NBR1: variants seen among roughly 807,000 people sequenced by gnomAD.
The protein encoded by NBR1 is next to BRCA1 gene 1 protein.
Under a neutral mutation model 115.5 loss-of-function variants are expected in NBR1, and 59 were observed. The ratio of observed to expected loss-of-function variants is 0.51; its 90% CI spans 0.41 to 0.63. The LOEUF is 0.63. Ranked by LOEUF, NBR1 falls within the 30% of genes least tolerant of loss-of-function variation. NBR1 has a pLI of 0.00. For synonymous variants in NBR1, 373 were observed against 414.7 expected (o/e 0.90, Z 1.22); for missense variants, 1,043 against 1,150.5 (o/e 0.91, Z 1.35).
intron 6 of NBR1, among the ~76,000 whole-genome samples, chr17:43,187,242 G>A (rs984039611): frequency 2.0e-5 from 3 of 152,074 alleles, no homozygotes; most frequent in East Asian, 1.9e-4. Context: ...GTGCAGTGGC[G>A]CGATCTCGGC....
chr17:43,204,751 C>T (rs1199581986), intron 20 of NBR1, among the ~76,000 whole-genome samples: 4 of 142,416 alleles, frequency 2.8e-5, no homozygotes, highest in Admixed American at 2.2e-4. Flanking sequence ...GGAGTCAGAG[C>T]TTGCAGTGAG....
chr17:43,210,129 T>G lies in NBR1; in HGVS notation c.*55T>G, dbSNP rs2154582513. 6.5e-7 allele frequency: 1 copy of G among 1,530,538 alleles called. No individual in the cohort carries two copies. The highest frequency in any genetic ancestry group is 1.2e-5 in the South Asian group (1 of 81,570). The allele number at this position is 1,530,538 out of a possible 1,614,324, so 94.8% of individuals were successfully genotyped here. ...CTGCTCAGAGATGATCTTTATTCTG[T>G]CATTGGGGTATGGGATAGAAGCCCT... On this transcript the variant is annotated 3_prime_UTR_variant, in exon 21 of 21. Coordinates refer to ENST00000590996, the MANE Select transcript of NBR1 (RefSeq NM_005899.5).
chr17:43,184,282 T>G (rs1353097901), intron 5 of NBR1, among the ~76,000 whole-genome samples: 1 of 150,462 alleles, frequency 6.6e-6, no homozygotes, highest in Non-Finnish European at 1.5e-5. Flanking sequence ...AGGTTTGTCT[T>G]GAACTCCTGG....
At chr17:43,190,046 G>T in intron 8 of NBR1, 2 of 513,306 alleles carry the variant, frequency 3.9e-6, no homozygotes, top group Admixed American at 3.4e-5. Flanking sequence ...TCCCCTGAAC[G>T]GACAAAATTA....
chr17:43,208,045 AAGAG>A (rs960254004), intron 20 of NBR1, among the ~76,000 whole-genome samples: 1 of 152,188 alleles, frequency 6.6e-6, no homozygotes, highest in Non-Finnish European at 1.5e-5. Context: ...GAGGAAAATG[AAGAG>A]AGAGAGTTCT....
chr17:43,192,320 C>G (rs914705265), intron 10 of NBR1, among the ~76,000 whole-genome samples: 2 of 151,968 alleles, frequency 1.3e-5, no homozygotes, highest in African/African-American at 4.8e-5. Flanking sequence ...CTGCGCCTGC[C>G]TGGCGTGGTC....
At position 43,179,382 on chromosome 17, in the gene NBR1, T is replaced by C; in HGVS notation, c.166-12T>C. On this transcript the variant is annotated splice_polypyrimidine_tract_variant and intron_variant, in intron 3 of 20. Transcript: ENST00000590996. ...CACTTATAATTCACTGTTGCTTTTTTTCCTTTTATAGGTATCCATCAACAG... is the reference window on the plus strand; with the variant it reads ...CACTTATAATTCACTGTTGCTTTTTCTCCTTTTATAGGTATCCATCAACAG... 1.9e-6 allele frequency: 3 copies of C among 1,612,312 alleles called. No homozygotes were observed. The highest frequency in any genetic ancestry group is 2.5e-6 in the Non-Finnish European group (3 of 1,178,688).
intron 20 of NBR1, among the ~76,000 whole-genome samples, chr17:43,205,600 G>T (rs1201971413): frequency 2.0e-5 from 3 of 152,144 alleles, no homozygotes; most frequent in Non-Finnish European, 4.4e-5. Flanking sequence ...AGACTGGCTG[G>T]GCTTGGTGGC....
Position 43,191,563 on chromosome 17 carries a change from T to C in NBR1, c.1055T>C (p.Leu352Pro), listed in dbSNP as rs2056947560. 1.2e-6 allele frequency: 2 copies of C among 1,611,858 alleles called. No homozygotes were observed. Among genetic ancestry groups the C allele is most frequent in the Non-Finnish European group, 1.7e-6 (2 of 1,178,948 alleles). Reference protein sequence around the residue: ...KSPLGRPESLLQSNTLMLPLQ... With the variant: ...KSPLGRPESLPQSNTLMLPLQ... ...CCTTTAGGCCGACCTGAGAGCTTGC[T>C]CCAGTCTAATACCCTGATGTAAGCC... The change falls in exon 10 of 21, where the codon CTC (leucine) becomes CCC (proline). Residue 352 changes from leucine (L) to proline (P), a missense_variant. Transcript: ENST00000590996.
In NBR1 at chr17:43,193,176, C is replaced by T. The variant is rs777774534; in HGVS notation, c.1156C>T (p.Leu386Phe). 6 of 1,613,788 alleles carry T rather than the reference C, an allele frequency of 3.7e-6. No homozygotes were observed. The highest frequency in any genetic ancestry group is 5.1e-6 in the Non-Finnish European group (6 of 1,179,876). The part of the protein sequence containing the change: ...VDENLPDGTH[L>F]QPGTKFIKHW... Reference sequence around the variant, plus strand: ...TGAGAATTTGCCTGATGGGACTCACCTTCAGCCAGGAACCAAGTTTATCAA... The same window carrying T: ...TGAGAATTTGCCTGATGGGACTCACTTTCAGCCAGGAACCAAGTTTATCAA... Residue 386 changes from leucine to phenylalanine, a missense_variant, in exon 11 of 21, where the codon CTT (leucine) becomes TTT (phenylalanine). By Grantham distance (22) the Leu-to-Phe change is conservative. Coordinates refer to ENST00000590996, the MANE Select transcript of NBR1 (RefSeq NM_005899.5).
intron 12 of NBR1, 89 bp from the exon 13 acceptor site, chr17:43,194,261 G>T: frequency 8.6e-7 from 1 of 1,165,934 alleles, no homozygotes; most frequent in Non-Finnish European, 1.2e-6. Flanking sequence ...TGGAGGTACA[G>T]CAGCGTTTTT....
chr17:43,176,073 C>T, intron 2 of NBR1, 172 bp downstream of exon 2: 1 of 493,418 alleles, frequency 2.0e-6, no homozygotes, highest in Non-Finnish European at 3.6e-6. Context: ...ATGAGATGTG[C>T]CCCAATAAAG....
intron 5 of NBR1, among the ~76,000 whole-genome samples, chr17:43,183,108 G>C (rs1453564160): frequency 6.6e-6 from 1 of 150,986 alleles, no homozygotes; most frequent in Non-Finnish European, 1.5e-5. Flanking sequence ...GCCCAGGCTA[G>C]TCTTGAACTT....
chr17:43,170,431 A>G (rs1259844532), upstream of NBR1: 1 of 153,728 alleles, frequency 6.5e-6, no homozygotes, highest in African/African-American at 2.4e-5. Context: ...TTCGCCGTAA[A>G]GCGCCCGCCC....
At chr17:43,209,830 A>G in intron 20 of NBR1, 71 bp from the exon 21 acceptor site, 1 of 1,462,300 alleles carries the variant, frequency 6.8e-7, no homozygotes, top group Non-Finnish European at 9.0e-7. Context: ...AGATGATACA[A>G]ATGTATAAAA....
rs60320098 is a variant in NBR1, at chr17:43,177,572, A to AACACACACACACACACACACAC, written c.103-336_103-315dup. 3.5e-4 allele frequency among the ~76,000 whole-genome samples: 46 copies of AACACACACACACACACACACAC among 131,326 alleles called. 1 individual carries two copies. Among genetic ancestry groups the AACACACACACACACACACACAC allele is most frequent in the African/African-American group, 1.3e-3 (44 of 32,618 alleles). The allele number at this position is 131,326 out of a possible 152,430, so 86.2% of individuals were successfully genotyped here. A position where few individuals can be genotyped will look rare whatever the true frequency, so the allele number is the denominator to read the frequency against. On this transcript the variant is annotated intron_variant, in intron 2 of 20. Transcript: ENST00000590996. ...GTTCCCTACCCCACACCCCACCCAA[A>AACACACACACACACACACACAC]ACACACACACACACACACACACACA...
intron 18 of NBR1, 125 bp downstream of exon 18, chr17:43,201,905 C>A: frequency 1.6e-6 from 1 of 629,000 alleles, no homozygotes; most frequent in South Asian, 2.0e-5. Flanking sequence ...ACAGGCCAGG[C>A]GTGGTGGCTC....
At chr17:43,186,482 C>CT in intron 6 of NBR1, 38 bp downstream of exon 6, 1 of 1,396,330 alleles carries the variant, frequency 7.2e-7, no homozygotes. Context: ...AATATCGTTT[C>CT]TTTTTTCTTT....
chr17:43,205,001 G>A (rs1459261566), intron 20 of NBR1, among the ~76,000 whole-genome samples: 2 of 151,778 alleles, frequency 1.3e-5, no homozygotes, highest in African/African-American at 4.8e-5. Context: ...AAAAGACACT[G>A]AGTCTTGCCC....
Sources: allele counts gnomAD v4.1 joint callset (sites outside exome capture counted in the v4.1 genomes callset), GRCh38; gene constraint gnomAD v4.1.1; transcripts MANE v1.5; gene names NCBI Gene and HGNC (gene_info 2026-07-23, HGNC 2026-07-21).